MCTP1: variants seen among roughly 807,000 people sequenced by gnomAD.
MCTP1 encodes the protein multiple C2 and transmembrane domain-containing protein 1.
Under a neutral mutation model 120.6 loss-of-function variants are expected in MCTP1, and 69 were observed. That is an observed-to-expected ratio of 0.57 (90% CI 0.47 to 0.70). The LOEUF (loss-of-function observed/expected upper bound fraction) is 0.70. Ranked by LOEUF, MCTP1 falls within the 30% of genes least tolerant of loss-of-function variation. The probability of loss-of-function intolerance (pLI) is 0.00; values close to 1 mark genes in which losing one functional copy is unlikely to be tolerated. For synonymous variants in MCTP1, 529 were observed against 493.1 expected (o/e 1.07, Z -0.96); for missense variants, 1,203 against 1,248.8 (o/e 0.96, Z 0.55).
chr5:95,016,952 A>T (rs1837240145), intron 2 of MCTP1, among the ~76,000 whole-genome samples: 1 of 152,104 alleles, frequency 6.6e-6, no homozygotes, highest in Non-Finnish European at 1.5e-5. Flanking sequence ...GAAGTTTTGG[A>T]GAGATATTAG....
chr5:94,826,122 C>A, intron 17 of MCTP1: 1 of 346,314 alleles, frequency 2.9e-6, no homozygotes, highest in South Asian at 3.2e-5. Context: ...GTACAGATCT[C>A]ATGAATCAGA....
intron 1 of MCTP1, among the ~76,000 whole-genome samples, chr5:95,135,796 C>G (rs937472491): frequency 3.3e-5 from 5 of 152,170 alleles, no homozygotes; most frequent in African/African-American, 1.2e-4. Context: ...TGTGTCTGTC[C>G]TATTAGTTCT....
chr5:94,709,331 A>G (rs1471744325), intron 21 of MCTP1: 1 of 152,104 alleles, frequency 6.6e-6, no homozygotes, highest in African/African-American at 2.4e-5. Flanking sequence ...CACTAAAGGA[A>G]TACTGTTCTT....
At chr5:94,708,638 A>C in intron 21 of MCTP1, 29 bp from the exon 22 acceptor site, 1 of 1,363,130 alleles carries the variant, frequency 7.3e-7, no homozygotes, top group Non-Finnish European at 1.0e-6. Flanking sequence ...TAAACAAAGC[A>C]CATTTCTGAC....
At chr5:94,766,530 G>A (rs1270162566) in intron 19 of MCTP1, among the ~76,000 whole-genome samples, 1 of 152,136 alleles carries the variant, frequency 6.6e-6, no homozygotes, top group Non-Finnish European at 1.5e-5. Flanking sequence ...CATGGGGTTG[G>A]GGGAGGGAGG....
chr5:95,031,921 A>C (rs562877176), intron 1 of MCTP1, among the ~76,000 whole-genome samples: 2 of 152,290 alleles, frequency 1.3e-5, no homozygotes, highest in African/African-American at 4.8e-5. Flanking sequence ...AATGGAAAAC[A>C]ATAAAGAACT....
At chr5:95,025,215 T>TA (rs1222975849) in intron 1 of MCTP1, among the ~76,000 whole-genome samples, 1 of 152,064 alleles carries the variant, frequency 6.6e-6, no homozygotes. Context: ...GACATAAAAA[T>TA]AGACATACTA....
chr5:94,794,736 AG>A (rs1218734218), intron 18 of MCTP1, among the ~76,000 whole-genome samples: 6 of 152,248 alleles, frequency 3.9e-5, no homozygotes, highest in Non-Finnish European at 1.5e-5. Flanking sequence ...AAGGCTTAGC[AG>A]GATGCCTGAT....
At chr5:94,805,644 A>G (rs1310558043) in intron 17 of MCTP1, among the ~76,000 whole-genome samples, 1 of 151,782 alleles carries the variant, frequency 6.6e-6, no homozygotes, top group Non-Finnish European at 1.5e-5. Context: ...TATATGTAAC[A>G]CTATTTCTCC....
chr5:95,232,457 ATTT>A lies in MCTP1; in HGVS notation c.720+51396_720+51398del, dbSNP rs535038549. Among the ~76,000 whole-genome samples the A allele has an allele frequency of 6.4e-3, 878 of 137,856 alleles. 9 individuals carry two copies. The highest frequency in any genetic ancestry group is 0.022 in the African/African-American group (805 of 37,276). The allele number at this position is 137,856 out of a possible 152,430, so 90.4% of individuals were successfully genotyped here. A position where few individuals can be genotyped will look rare whatever the true frequency, so the allele number is the denominator to read the frequency against. On this transcript the variant is annotated intron_variant, in intron 1 of 22. Transcript: ENST00000515393. ...TGTTGCCCACAAGAAATGAAATTTA[ATTT>A]TTTTTTTTTTTTTTTTGAGACGGAG...
rs527650288 is a variant in MCTP1 at position 94,773,816 on chromosome 5, A to G, written c.2610+5294T>C. ...GAACAGCACAGGAAAGATCCACTCC[A>G]TGATTCAGTTACCTTCCACCGGGTC... On this transcript the variant is annotated intron_variant, in intron 19 of 22. Transcript: ENST00000515393. 1.5e-3 allele frequency among the ~76,000 whole-genome samples: 222 copies of G among 152,290 alleles called. 1 individual carries two copies. The highest frequency in any genetic ancestry group is 4.3e-3 in the Admixed American group (66 of 15,294).
chr5:94,776,639 G>A (rs1405589729), intron 19 of MCTP1, among the ~76,000 whole-genome samples: 1 of 151,984 alleles, frequency 6.6e-6, no homozygotes. Context: ...CCACTGACCT[G>A]ACCTTACTAT....
At chr5:94,977,718 A>T (rs1828442090) in intron 2 of MCTP1, among the ~76,000 whole-genome samples, 1 of 152,156 alleles carries the variant, frequency 6.6e-6, no homozygotes, top group Non-Finnish European at 1.5e-5. Context: ...GGGAAAGGAT[A>T]GTCTTCAACG....
intron 1 of MCTP1, among the ~76,000 whole-genome samples, chr5:95,060,467 C>G (rs115807763): frequency 9.2e-5 from 14 of 152,104 alleles, no homozygotes; most frequent in Non-Finnish European, 2.1e-4. Flanking sequence ...AAACACCTTG[C>G]AGAGCATAAT....
intron 1 of MCTP1, among the ~76,000 whole-genome samples, chr5:95,090,839 A>G (rs1269984054): frequency 6.6e-6 from 1 of 152,122 alleles, no homozygotes; most frequent in Non-Finnish European, 1.5e-5. Flanking sequence ...TCTTTAGCCC[A>G]TATCTGAGCT....
rs935710209 is a variant in MCTP1 at position 94,954,169 on chromosome 5, C to T, written c.839-808G>A. On this transcript the variant is annotated intron_variant, in intron 2 of 22. Coordinates refer to ENST00000515393, the MANE Select transcript of MCTP1 (RefSeq NM_024717.7). ...ATACATATATATATGCATATATATACATATATATATATGCATATATATATA... is the reference window on the plus strand; with the variant it reads ...ATACATATATATATGCATATATATATATATATATATATGCATATATATATA... 2.5e-4 allele frequency among the ~76,000 whole-genome samples: 20 copies of T among 80,014 alleles called. 1 individual carries two copies. The highest frequency in any genetic ancestry group is 2.3e-4 in the Non-Finnish European group (10 of 42,982). 52.5% of individuals were successfully genotyped at this position (80,014 alleles called of 152,430 possible).
rs368172405 is a variant in MCTP1 at position 95,284,395 on chromosome 5, G to A, written c.181C>T (p.Pro61Ser). The part of the protein sequence containing the change: ...ADTPSPSPPP[P>S]VGTGNAPARG... ...GCCGGTGCATTCCCTGTGCCCACCGGGGGTGGCGGGGAGGGCGACGGGGTG... is the reference window on the plus strand; with the variant it reads ...GCCGGTGCATTCCCTGTGCCCACCGAGGGTGGCGGGGAGGGCGACGGGGTG... Residue 61 changes from proline to serine, a missense_variant, in exon 1 of 23, where the codon CCG (proline) becomes TCG (serine). Pro to Ser is a moderately conservative substitution (Grantham distance 74, BLOSUM62 -1). Around this residue, in one of 2 missense-constraint regions of MCTP1, gnomAD observed 463 missense variants for 377.8 expected, o/e 1.23. Coordinates refer to ENST00000515393, the MANE Select transcript of MCTP1 (RefSeq NM_024717.7). The surrounding 1 kb of genome is among the most constrained non-coding windows in gnomAD (Gnocchi z 5.2). 4 of 1,591,428 alleles carry A rather than the reference G, an allele frequency of 2.5e-6. No homozygotes were observed. Among genetic ancestry groups the A allele is most frequent in the African/African-American group, 1.3e-5 (1 of 74,254 alleles).
intron 1 of MCTP1, among the ~76,000 whole-genome samples, chr5:95,110,600 A>G (rs1757384522): frequency 6.6e-6 from 1 of 152,150 alleles, no homozygotes; most frequent in African/African-American, 2.4e-5. Flanking sequence ...GCAAAAACCT[A>G]ACTAACACAT....
intron 1 of MCTP1, among the ~76,000 whole-genome samples, chr5:95,080,508 T>G (rs1462069945): frequency 6.6e-6 from 1 of 152,150 alleles, no homozygotes; most frequent in Non-Finnish European, 1.5e-5. Context: ...TTTGAAAACC[T>G]CAAGTCGTTA....
Sources: allele counts gnomAD v4.1 joint callset (sites outside exome capture counted in the v4.1 genomes callset), GRCh38; gene constraint gnomAD v4.1.1; regional missense constraint gnomAD v4.1.1; non-coding constraint Gnocchi (gnomAD v3.1); transcripts MANE v1.5; gene names NCBI Gene and HGNC (gene_info 2026-07-23, HGNC 2026-07-21).